The following DAO variants were observed in gnomAD, a reference collection of about 807,000 sequenced individuals.
The protein encoded by DAO is D-amino acid oxidase, also known as D-amino-acid oxidase.
A neutral mutation model predicts 50.1 loss-of-function variants in DAO; 51 were observed. That is an observed-to-expected ratio of 1.02 (90% confidence interval 0.81 to 1.29). DAO has a LOEUF of 1.29. Ranked by LOEUF, DAO falls within the 50% of genes most tolerant of loss-of-function variation. DAO has a pLI of 0.00. For missense variants in DAO, 436 were observed against 439.4 expected (o/e 0.99, Z 0.07); for synonymous variants, 160 against 166.2 (o/e 0.96, Z 0.29).
At chr12:108,885,398 C>T (rs1465842233) in intron 2 of DAO, among the ~76,000 whole-genome samples, 198 bp downstream of exon 2, 3 of 152,094 alleles carry the variant, frequency 2.0e-5, no homozygotes. Flanking sequence ...CACTTGAGGC[C>T]AGGAGTTCCA....
At chr12:108,895,512 T>C (rs1314475837) in intron 7 of DAO, among the ~76,000 whole-genome samples, 2 of 129,442 alleles carry the variant, frequency 1.5e-5, no homozygotes, top group African/African-American at 3.2e-5. Context: ...TGTGTGATGG[T>C]GTGCGTGCAT....
At chr12:108,883,416 G>T (rs1464502136) in intron 1 of DAO, among the ~76,000 whole-genome samples, 1 of 152,234 alleles carries the variant, frequency 6.6e-6, no homozygotes, top group Non-Finnish European at 1.5e-5. Flanking sequence ...GAGGTATTGG[G>T]ATTACAGGCG....
At chr12:108,886,424 G>T (rs1566035279) in intron 2 of DAO, among the ~76,000 whole-genome samples, 1 of 152,170 alleles carries the variant, frequency 6.6e-6, no homozygotes, top group Non-Finnish European at 1.5e-5. Context: ...TTTAGAAACT[G>T]CCAGATGGTT....
At chr12:108,887,426 T>C in intron 2 of DAO, 24 bp from the exon 3 acceptor site, 1 of 1,577,626 alleles carries the variant, frequency 6.3e-7, no homozygotes, top group Non-Finnish European at 8.7e-7. Context: ...CATTGGGTGA[T>C]CGAACTCTTC....
intron 2 of DAO, among the ~76,000 whole-genome samples, chr12:108,886,994 A>G (rs2039442547): frequency 6.6e-6 from 1 of 152,182 alleles, no homozygotes; most frequent in African/African-American, 2.4e-5. Flanking sequence ...AGTCACATTT[A>G]GCTGCGAGAG....
intron 1 of DAO, 58 bp from the exon 2 acceptor site, chr12:108,884,940 G>A (rs1371540637): frequency 7.9e-6 from 12 of 1,527,954 alleles, no homozygotes; most frequent in Middle Eastern, 1.7e-4. Flanking sequence ...TGGCAATGGC[G>A]CTAAGGATGA....
Position 108,892,985 on chromosome 12 carries a change from A to C in DAO, c.456A>C (p.Leu152Phe). 6.2e-7 allele frequency: 1 copy of C among 1,614,010 alleles called. No individual in the cohort carries two copies. The stretch of plus-strand genomic sequence containing the variant: ...TTGATGTGTTTGATCATCCCAGGTT[A>C]ACTGAGAGGGGAGTGAAGTTCTTCC... ...KNYLQWLTERLTERGVKFFQR... is the reference protein window; with the variant it reads ...KNYLQWLTERFTERGVKFFQR... Residue 152 changes from leucine to phenylalanine, a missense_variant, in exon 6 of 11, where the codon TTA becomes TTC. Leu to Phe is a conservative substitution (Grantham distance 22, BLOSUM62 0). Transcript: ENST00000228476.
At chr12:108,899,532 C>G in intron 10 of DAO, 57 bp downstream of exon 10, 1 of 1,442,076 alleles carries the variant, frequency 6.9e-7, no homozygotes, top group Non-Finnish European at 9.7e-7. Context: ...ATGGCTCTGG[C>G]ATTTTCAGGG....
intron 9 of DAO, among the ~76,000 whole-genome samples, 198 bp from the exon 10 acceptor site, chr12:108,899,179 T>C (rs560951538): frequency 6.6e-6 from 1 of 151,986 alleles, no homozygotes; most frequent in African/African-American, 2.4e-5. Flanking sequence ...ATGGAATTGG[T>C]GGAAAGGTGG....
chr12:108,899,316 C>T (rs1339177060), intron 9 of DAO, 61 bp from the exon 10 acceptor site: 25 of 1,251,454 alleles, frequency 2.0e-5, no homozygotes, highest in Non-Finnish European at 2.7e-5. Flanking sequence ...CTCCCTACTA[C>T]CTAAAAATGG....
Position 108,898,735 on chromosome 12 carries a change from A to G in DAO, c.752A>G (p.Asn251Ser). The G allele has an allele frequency of 6.2e-7, 1 of 1,614,146 alleles. No individual in the cohort carries two copies. The highest frequency in any genetic ancestry group is 8.5e-7 in the Non-Finnish European group (1 of 1,180,014). ...CAGTTGGGAAACTGGAGTGAACTAA[A>G]CAATATCCAGGACCACAACACCATT... The part of the protein sequence containing the change: ...IFQLGNWSEL[N>S]NIQDHNTIWE... Residue 251 changes from asparagine (N) to serine (S), a missense_variant, in exon 9 of 11, where the codon AAC (asparagine) becomes AGC (serine). Asn to Ser is a conservative substitution (Grantham distance 46, BLOSUM62 1). Transcript: ENST00000228476.
chr12:108,885,259 A>G, intron 2 of DAO, 59 bp downstream of exon 2: 1 of 1,534,364 alleles, frequency 6.5e-7, no homozygotes, highest in Non-Finnish European at 8.9e-7. Context: ...CTGCAGAGGG[A>G]GTCAGGGTTC....
chr12:108,884,935 A>G (rs1471790590), intron 1 of DAO, 63 bp from the exon 2 acceptor site: 1 of 1,502,760 alleles, frequency 6.7e-7, no homozygotes. Context: ...GATGGTGGCA[A>G]TGGCGCTAAG....
chr12:108,893,882 G>A (rs566252048), intron 6 of DAO, among the ~76,000 whole-genome samples: 10 of 152,302 alleles, frequency 6.6e-5, no homozygotes, highest in Admixed American at 4.6e-4. Context: ...GAAGGAGAAA[G>A]AGAACTCTCT....
At position 108,890,264 on chromosome 12, in the gene DAO, T is replaced by G. The variant is rs1260366268; in HGVS notation, c.443T>G (p.Leu148Arg). The part of the protein sequence containing the change: ...ILEGKNYLQW[L>R]TERLTERGVK... Reference sequence around the variant, plus strand: ...GAGGGAAAGAACTATCTACAGTGGCTGACTGAAAGGTGAGATTTTAAGCTT... The same window carrying G: ...GAGGGAAAGAACTATCTACAGTGGCGGACTGAAAGGTGAGATTTTAAGCTT... Residue 148 changes from leucine to arginine, a missense_variant, in exon 5 of 11, where the codon CTG becomes CGG. Physicochemically the swap from Leu to Arg is moderately radical, Grantham distance 102. Coordinates refer to ENST00000228476, the MANE Select transcript of DAO (RefSeq NM_001917.5). 1 of 1,613,352 alleles carries G rather than the reference T, an allele frequency of 6.2e-7. No individual in the cohort carries two copies. Among genetic ancestry groups the G allele is most frequent in the South Asian group, 1.1e-5 (1 of 91,060 alleles).
intron 7 of DAO, among the ~76,000 whole-genome samples, chr12:108,895,291 ATGTGTGCATATGTG>A (rs2039536341): frequency 1.4e-5 from 2 of 143,756 alleles, no homozygotes; most frequent in East Asian, 2.1e-4. Context: ...ATGTAAGGGT[ATGTGTGCATATGTG>A]TGTGTGCATG....
Position 108,896,419 on chromosome 12 carries a change from C to CAAAAAAAAAAAAA in DAO, c.613-576_613-564dup, listed in dbSNP as rs386377704. Among the ~76,000 whole-genome samples the CAAAAAAAAAAAAA allele has an allele frequency of 1.9e-3, 111 of 59,542 alleles. 3 individuals carry two copies. The highest frequency in any genetic ancestry group is 3.9e-3 in the African/African-American group (61 of 15,726). 39.1% of individuals were successfully genotyped at this position (59,542 alleles called of 152,430 possible). On this transcript the variant is annotated intron_variant, in intron 7 of 10. Transcript: ENST00000228476. ...GCCTGGCAACAGAGCGAGGCTGTCT[C>CAAAAAAAAAAAAA]AAAAAAAAAAAAAAAAAAAAAAATT...
intron 1 of DAO, among the ~76,000 whole-genome samples, chr12:108,884,629 C>T (rs564742399): frequency 2.6e-5 from 4 of 152,230 alleles, no homozygotes; most frequent in African/African-American, 9.6e-5. Flanking sequence ...AGAGCTGAGT[C>T]CTGAAGCCAG....
intron 10 of DAO, chr12:108,899,729 T>C: frequency 3.8e-6 from 2 of 527,524 alleles, no homozygotes; most frequent in Non-Finnish European, 6.9e-6. Flanking sequence ...ATGTTGATAA[T>C]GGTGTGACTG....
Sources: allele counts gnomAD v4.1 joint callset (sites outside exome capture counted in the v4.1 genomes callset), GRCh38; gene constraint gnomAD v4.1.1; transcripts MANE v1.5; gene names NCBI Gene and HGNC (gene_info 2026-07-23, HGNC 2026-07-21).